PTPRD: variants seen among roughly 807,000 people sequenced by gnomAD.
PTPRD encodes receptor-type tyrosine-protein phosphatase delta.
Under a neutral mutation model 214.5 loss-of-function variants are expected in PTPRD, and 34 were observed. That is an observed-to-expected ratio of 0.16 (90% confidence interval 0.12 to 0.21). The LOEUF (loss-of-function observed/expected upper bound fraction) is 0.21, where lower values mean the gene tolerates loss of function less well. Ranked by LOEUF, PTPRD falls within the 10% of genes least tolerant of loss-of-function variation. PTPRD has a pLI of 1.00. For missense variants in PTPRD, 2,545 were observed against 2,398.7 expected (o/e 1.06, Z -1.27); for synonymous variants, 1,128 against 845.7 (o/e 1.33, Z -5.79).
At chr9:8,349,561 C>G (rs1037182164) in intron 39 of PTPRD, among the ~76,000 whole-genome samples, 3 of 152,120 alleles carry the variant, frequency 2.0e-5, no homozygotes, top group African/African-American at 7.2e-5. Flanking sequence ...CAGCCTTCAA[C>G]TTGAAACATG....
At chr9:9,501,001 T>C (rs939720431) in intron 8 of PTPRD, among the ~76,000 whole-genome samples, 2 of 151,874 alleles carry the variant, frequency 1.3e-5, no homozygotes, top group African/African-American at 2.4e-5. Context: ...AAATACACAC[T>C]GCTATGGCTA....
chr9:8,362,704 T>C (rs1284201214), intron 39 of PTPRD, among the ~76,000 whole-genome samples: 4 of 152,222 alleles, frequency 2.6e-5, no homozygotes, highest in Non-Finnish European at 5.9e-5. Flanking sequence ...TAAACAAGCA[T>C]TTAATCTATC....
chr9:10,275,090 G>C (rs1193208763), intron 3 of PTPRD, among the ~76,000 whole-genome samples: 3 of 152,168 alleles, frequency 2.0e-5, no homozygotes, highest in Non-Finnish European at 4.4e-5. Context: ...ATGTATGTTT[G>C]TGCAAACTCT....
At chr9:8,535,767 T>A (rs2076781572) in intron 14 of PTPRD, among the ~76,000 whole-genome samples, 1 of 151,900 alleles carries the variant, frequency 6.6e-6, no homozygotes, top group African/African-American at 2.4e-5. Context: ...AATAACTGTT[T>A]GGGGAAAATG....
chr9:9,465,195 A>T (rs1409612679), intron 8 of PTPRD, among the ~76,000 whole-genome samples: 1 of 152,220 alleles, frequency 6.6e-6, no homozygotes, highest in Non-Finnish European at 1.5e-5. Flanking sequence ...TGTACCAGGT[A>T]ATCATCAATA....
chr9:8,664,827 T>C (rs1289905176), intron 12 of PTPRD, among the ~76,000 whole-genome samples: 1 of 152,230 alleles, frequency 6.6e-6, no homozygotes. Flanking sequence ...ATGCAATCTC[T>C]TGAGTCCCAT....
intron 4 of PTPRD, among the ~76,000 whole-genome samples, chr9:9,958,013 T>A (rs2094072897): frequency 6.8e-6 from 1 of 146,988 alleles, no homozygotes; most frequent in Non-Finnish European, 1.5e-5. Context: ...TGACTGGAAG[T>A]TCATTTGTGT....
intron 10 of PTPRD, among the ~76,000 whole-genome samples, chr9:9,133,082 C>T (rs938776907): frequency 4.6e-5 from 7 of 151,976 alleles, no homozygotes; most frequent in African/African-American, 1.7e-4. Flanking sequence ...ATCATGCAAT[C>T]AGGGTTATTT....
intron 31 of PTPRD, among the ~76,000 whole-genome samples, chr9:8,468,836 A>T (rs913753320): frequency 6.6e-6 from 1 of 151,780 alleles, no homozygotes; most frequent in African/African-American, 2.4e-5. Flanking sequence ...AGGGATCAAA[A>T]ACTGGATGAG....
At chr9:10,328,414 C>A (rs774484204) in intron 3 of PTPRD, among the ~76,000 whole-genome samples, 1 of 151,500 alleles carries the variant, frequency 6.6e-6, no homozygotes, top group African/African-American at 2.4e-5. Context: ...GTAAGAGCAG[C>A]TTTTTATGGT....
chr9:9,343,357 C>T (rs1011552424), intron 9 of PTPRD, among the ~76,000 whole-genome samples: 7 of 152,148 alleles, frequency 4.6e-5, no homozygotes, highest in Non-Finnish European at 8.8e-5. Flanking sequence ...TAAAAGTGTT[C>T]CTATTTCTCC....
intron 8 of PTPRD, among the ~76,000 whole-genome samples, chr9:9,566,934 C>A (rs996372030): frequency 1.3e-5 from 2 of 152,026 alleles, no homozygotes; most frequent in Admixed American, 6.6e-5. Flanking sequence ...TAAACCTTAC[C>A]TTATGACAGT....
chr9:9,150,826 G>C (rs1276349147), intron 10 of PTPRD, among the ~76,000 whole-genome samples: 1 of 152,084 alleles, frequency 6.6e-6, no homozygotes, highest in Non-Finnish European at 1.5e-5. Flanking sequence ...ATGACATAAG[G>C]TAAAACTTTT....
chr9:9,689,101 T>C (rs2154402446), intron 7 of PTPRD, among the ~76,000 whole-genome samples: 1 of 152,054 alleles, frequency 6.6e-6, no homozygotes, highest in African/African-American at 2.4e-5. Context: ...ATGTGAGTGT[T>C]TTTATCCTTT....
At chr9:8,628,789 G>A (rs1318978159) in intron 14 of PTPRD, among the ~76,000 whole-genome samples, 1 of 151,802 alleles carries the variant, frequency 6.6e-6, no homozygotes, top group Non-Finnish European at 1.5e-5. Context: ...ATATTTATAT[G>A]TAAGAGTAGG....
intron 5 of PTPRD, among the ~76,000 whole-genome samples, chr9:9,800,003 C>A (rs1479125352): frequency 6.6e-6 from 1 of 152,088 alleles, no homozygotes; most frequent in Non-Finnish European, 1.5e-5. Flanking sequence ...ACTATTCCTA[C>A]AGGTGGATGA....
At chr9:9,089,074 G>C (rs569091470) in intron 10 of PTPRD, among the ~76,000 whole-genome samples, 4 of 152,016 alleles carry the variant, frequency 2.6e-5, no homozygotes, top group Non-Finnish European at 5.9e-5. Flanking sequence ...CAAATAATTT[G>C]TGACTTGCTA....
At chr9:8,643,014 C>A (rs1234656466) in intron 12 of PTPRD, among the ~76,000 whole-genome samples, 2 of 152,110 alleles carry the variant, frequency 1.3e-5, no homozygotes, top group African/African-American at 4.8e-5. Context: ...CCTGTGGGGA[C>A]AGTGAATCTG....
intron 3 of PTPRD, among the ~76,000 whole-genome samples, chr9:10,055,256 C>A (rs553527691): frequency 3.9e-5 from 6 of 152,072 alleles, no homozygotes; most frequent in South Asian, 2.1e-4. Context: ...TGGTCTGGTG[C>A]GACTTTTCTT....
Sources: allele counts gnomAD v4.1 joint callset (sites outside exome capture counted in the v4.1 genomes callset), GRCh38; gene constraint gnomAD v4.1.1; transcripts MANE v1.5; gene names NCBI Gene and HGNC (gene_info 2026-07-23, HGNC 2026-07-21).